RFX3: variants seen among roughly 807,000 people sequenced by gnomAD.
The protein encoded by RFX3 is transcription factor RFX3.
A neutral mutation model predicts 98.6 loss-of-function variants in RFX3; 14 were observed. That is an observed-to-expected ratio of 0.14 (90% CI 0.09 to 0.22). The LOEUF (loss-of-function observed/expected upper bound fraction) is 0.22. Among genes scored for constraint, RFX3 ranks in the 10% least tolerant of loss-of-function variants. RFX3 has a pLI of 1.00. For synonymous variants in RFX3, 383 were observed against 328.4 expected, an observed-to-expected ratio of 1.17 and a Z score of -1.80; for missense variants, 639 against 926.9, an observed-to-expected ratio of 0.69 and a Z score of 4.03.
chr9:3,482,050 A>G (rs993924820), intron 1 of RFX3, among the ~76,000 whole-genome samples: 2 of 152,088 alleles, frequency 1.3e-5, no homozygotes, highest in Admixed American at 6.6e-5. Flanking sequence ...GAATTCATAT[A>G]AAGAAAATAA....
intron 4 of RFX3, among the ~76,000 whole-genome samples, chr9:3,329,983 G>C (rs147075942): frequency 0.03 from 4,638 of 152,256 alleles, 94 homozygotes; most frequent in Non-Finnish European, 0.046. Context: ...ACTGATGGAA[G>C]ACAGCTTATT....
intron 6 of RFX3, among the ~76,000 whole-genome samples, chr9:3,292,057 A>G: frequency 9.9e-6 from 1 of 100,802 alleles, no homozygotes; most frequent in Non-Finnish European, 1.9e-5. Flanking sequence ...GTGAGACTCC[A>G]TCTCAAAAAA....
chr9:3,467,212 C>A (rs1848370904), intron 1 of RFX3, among the ~76,000 whole-genome samples: 1 of 139,442 alleles, frequency 7.2e-6, no homozygotes, highest in African/African-American at 2.7e-5. Flanking sequence ...TGTGTATATA[C>A]ATATATAATG....
At chr9:3,381,236 C>T (rs1839159673) in intron 2 of RFX3, among the ~76,000 whole-genome samples, 1 of 151,488 alleles carries the variant, frequency 6.6e-6, no homozygotes, top group Non-Finnish European at 1.5e-5. Context: ...AAAAAAATTC[C>T]CAAAATTATT....
chr9:3,239,833 T>TC (rs1488886232), intron 15 of RFX3, among the ~76,000 whole-genome samples: 2 of 152,176 alleles, frequency 1.3e-5, no homozygotes, highest in African/African-American at 4.8e-5. Flanking sequence ...AGCCTGTGCT[T>TC]CCCTCCCTCC....
intron 1 of RFX3, among the ~76,000 whole-genome samples, chr9:3,414,842 ATATAAG>A (rs951215625): frequency 4.3e-5 from 6 of 139,434 alleles, no homozygotes; most frequent in African/African-American, 1.6e-4. Flanking sequence ...ATATGAGTAT[ATATAAG>A]TATATATGAG....
At chr9:3,330,677 A>G (rs1046996207) in intron 3 of RFX3, among the ~76,000 whole-genome samples, 160 bp from the exon 4 acceptor site, 2 of 152,092 alleles carry the variant, frequency 1.3e-5, no homozygotes, top group Non-Finnish European at 2.9e-5. Flanking sequence ...AAACAGTTCG[A>G]TTTACTTTTC....
chr9:3,513,565 T>G (rs1276923510), intron 1 of RFX3, among the ~76,000 whole-genome samples: 1 of 152,098 alleles, frequency 6.6e-6, no homozygotes, highest in African/African-American at 2.4e-5. Context: ...CAGGCAGCAA[T>G]GAAAATTAAC....
At chr9:3,466,976 C>T (rs1305068361) in intron 1 of RFX3, among the ~76,000 whole-genome samples, 2 of 147,954 alleles carry the variant, frequency 1.4e-5, no homozygotes, top group African/African-American at 2.5e-5. Flanking sequence ...AGAGTTTATG[C>T]CTACTTCCTG....
intron 2 of RFX3, among the ~76,000 whole-genome samples, chr9:3,376,329 T>A (rs2131624147): frequency 6.6e-6 from 1 of 152,318 alleles, no homozygotes; most frequent in African/African-American, 2.4e-5. Flanking sequence ...ACAGGTCCAC[T>A]CCTAGGTATT....
chr9:3,516,794 A>T (rs1166300615), intron 1 of RFX3, among the ~76,000 whole-genome samples: 1 of 152,178 alleles, frequency 6.6e-6, no homozygotes, highest in African/African-American at 2.4e-5. Context: ...CCTGTTTTAA[A>T]TATCTCATTG....
At position 3,248,145 on chromosome 9, in the gene RFX3, T is replaced by C. The variant is rs1820927625; in HGVS notation, c.1855A>G (p.Ser619Gly). ...CGGATCAGGTGGAAGGAGCCAAAGC[T>C]AGCAGCACTGCGTAAGGTTAAGTCC... is the stretch of plus-strand genomic sequence containing the variant. ...IRDLTLRSAA[S>G]FGSFHLIRLL... Residue 619 changes from serine (S) to glycine (G), a missense_variant, in exon 15 of 17, where the codon AGC (serine) becomes GGC (glycine). Transcript: ENST00000617270. 6.2e-7 allele frequency: 1 copy of C among 1,613,494 alleles called. No individual in the cohort carries two copies. The highest frequency in any genetic ancestry group is 1.1e-5 in the South Asian group (1 of 91,080).
chr9:3,304,402 T>G (rs1377281826), intron 4 of RFX3, among the ~76,000 whole-genome samples: 2 of 152,000 alleles, frequency 1.3e-5, no homozygotes, highest in Non-Finnish European at 2.9e-5. Flanking sequence ...ACAAAAATTT[T>G]TCATAATCCA....
intron 1 of RFX3, among the ~76,000 whole-genome samples, chr9:3,444,859 C>A (rs76522422): frequency 6.6e-6 from 1 of 152,120 alleles, no homozygotes; most frequent in African/African-American, 2.4e-5. Flanking sequence ...TGCTTTGTAA[C>A]ATAAAGCTTT....
intron 1 of RFX3, among the ~76,000 whole-genome samples, chr9:3,509,289 T>G (rs1398552339): frequency 6.6e-6 from 1 of 152,002 alleles, no homozygotes; most frequent in Non-Finnish European, 1.5e-5. Context: ...ATTTTACTTT[T>G]GTTCCACAAA....
chr9:3,474,518 A>T lies in RFX3; in HGVS notation c.-9+51229T>A, dbSNP rs576677011. Among the ~76,000 whole-genome samples the T allele has an allele frequency of 1.1e-3, 161 of 152,326 alleles. 4 individuals are homozygous for T. In the South Asian group the frequency reaches 0.032, roughly 30 times the overall value. On this transcript the variant is annotated intron_variant, in intron 1 of 16. Transcript: ENST00000617270. ...AGACTTCCCCGAAACACAAACTCAT[A>T]GAAGCTCATAATATCAATGACGCTT...
At chr9:3,413,981 A>G (rs1165052971) in intron 1 of RFX3, among the ~76,000 whole-genome samples, 1 of 152,106 alleles carries the variant, frequency 6.6e-6, no homozygotes, top group Non-Finnish European at 1.5e-5. Flanking sequence ...CCTCTGTTAC[A>G]TCCAATTAAA....
intron 1 of RFX3, among the ~76,000 whole-genome samples, chr9:3,416,869 T>A (rs1238683717): frequency 6.6e-6 from 1 of 152,050 alleles, no homozygotes; most frequent in Non-Finnish European, 1.5e-5. Context: ...GGCAACACAG[T>A]AGATTTAAAT....
chr9:3,525,469 C>T (rs776721253), intron 1 of RFX3, among the ~76,000 whole-genome samples: 1 of 152,102 alleles, frequency 6.6e-6, no homozygotes, highest in Non-Finnish European at 1.5e-5. Context: ...CCCAAGCTCC[C>T]GCTCCATCCC....
Sources: gnomAD v4.1 joint callset for allele counts (sites outside exome capture counted in the v4.1 genomes callset) on GRCh38, gnomAD v4.1.1 for gene constraint, MANE v1.5 for transcripts, NCBI Gene and HGNC (gene_info 2026-07-23, HGNC 2026-07-21) for gene names.